CTNNA2: variants seen among roughly 807,000 people sequenced by gnomAD.
CTNNA2 encodes the protein catenin alpha-2.
In CTNNA2, 42 loss-of-function variants were observed where a neutral mutation model predicts 101.0. The ratio of observed to expected loss-of-function variants is 0.42; its 90% CI spans 0.32 to 0.54. The LOEUF (loss-of-function observed/expected upper bound fraction) is 0.54, where lower values mean the gene tolerates loss of function less well. Among genes scored for constraint, CTNNA2 ranks in the 20% least tolerant of loss-of-function variants. The pLI, the probability that CTNNA2 is intolerant of heterozygous loss-of-function variation, is 0.14. For synonymous variants in CTNNA2, 450 were observed against 456.4 expected, an observed-to-expected ratio of 0.99 and a Z score of 0.18; for missense variants, 871 against 1,223.1, an observed-to-expected ratio of 0.71 and a Z score of 4.29.
intron 7 of CTNNA2, among the ~76,000 whole-genome samples, chr2:80,229,546 C>G (rs1193270407): frequency 6.6e-6 from 1 of 151,576 alleles, no homozygotes; most frequent in African/African-American, 2.4e-5. Context: ...AGCTGTCATG[C>G]CCTCTCTAGG....
chr2:80,195,396 G>T (rs575517069), intron 7 of CTNNA2, among the ~76,000 whole-genome samples: 1 of 152,050 alleles, frequency 6.6e-6, no homozygotes, highest in Non-Finnish European at 1.5e-5. Context: ...GTGATATTTT[G>T]GTTTGTGAAT....
At chr2:80,588,276 G>A (rs1696143797) in intron 14 of CTNNA2, among the ~76,000 whole-genome samples, 1 of 152,122 alleles carries the variant, frequency 6.6e-6, no homozygotes, top group Non-Finnish European at 1.5e-5. Flanking sequence ...CATGCTTGGA[G>A]CCATTTTAAA....
chr2:79,331,503 T>C (rs1232818784), intron 3 of CTNNA2, among the ~76,000 whole-genome samples: 2 of 152,230 alleles, frequency 1.3e-5, no homozygotes, highest in Non-Finnish European at 2.9e-5. Flanking sequence ...CTCTCACTTC[T>C]TATGCCTTCC....
At chr2:80,146,710 GTTTTTT>G (rs34019123) in intron 7 of CTNNA2, among the ~76,000 whole-genome samples, 3,211 of 61,614 alleles carry the variant, frequency 0.052, 157 homozygotes, top group African/African-American at 0.16. Flanking sequence ...GTCCCCTCTG[GTTTTTT>G]TTTTTTTTTT....
At chr2:79,614,462 G>C (rs1573480550) in intron 1 of CTNNA2, among the ~76,000 whole-genome samples, 1 of 152,086 alleles carries the variant, frequency 6.6e-6, no homozygotes, top group East Asian at 1.9e-4. Context: ...GGTTTTGTGG[G>C]ACCTGGAAAA....
At chr2:79,535,605 T>C (rs1673008839) in intron 1 of CTNNA2, among the ~76,000 whole-genome samples, 1 of 152,154 alleles carries the variant, frequency 6.6e-6, no homozygotes, top group Non-Finnish European at 1.5e-5. Context: ...AAATCATTTA[T>C]TCTTATATTT....
rs1678048280 is a variant in CTNNA2, at chr2:79,382,279, C to G, written c.-135+8266C>G. Among the ~76,000 whole-genome samples the G allele has an allele frequency of 3.3e-5, 5 of 152,002 alleles. No homozygotes were observed. In the South Asian group the frequency reaches 8.3e-4, roughly 25 times the overall value. ...TTTGAGGCTTGGACTGGAACTACCC[C>G]CACTGGCTTTCCTGAGCTTTTAGCT... On this transcript the variant is annotated intron_variant, in intron 4 of 21. Transcript: ENST00000466387.
intron 2 of CTNNA2, among the ~76,000 whole-genome samples, chr2:79,741,705 C>T (rs1216637508): frequency 1.3e-5 from 2 of 151,696 alleles, no homozygotes; most frequent in East Asian, 3.9e-4. Context: ...TATTTAGCCA[C>T]CTTGCTCTTC....
chr2:79,754,135 G>A (rs541238471), intron 3 of CTNNA2, among the ~76,000 whole-genome samples: 1 of 152,232 alleles, frequency 6.6e-6, no homozygotes, highest in South Asian at 2.1e-4. Context: ...CCAAAGAGCT[G>A]TGATTACAGG....
chr2:80,590,940 C>T (rs1287062199), intron 15 of CTNNA2, among the ~76,000 whole-genome samples: 1 of 152,124 alleles, frequency 6.6e-6, no homozygotes. Flanking sequence ...TTCTCAAGGC[C>T]TGTGATGACT....
intron 7 of CTNNA2, among the ~76,000 whole-genome samples, chr2:80,064,106 A>G (rs970782383): frequency 2.1e-4 from 32 of 152,214 alleles, no homozygotes; most frequent in African/African-American, 7.5e-4. Context: ...ACAAAATTAT[A>G]GTTGTCTTAG....
intron 2 of CTNNA2, among the ~76,000 whole-genome samples, chr2:79,248,682 G>A (rs1306872555): frequency 1.3e-5 from 2 of 152,154 alleles, no homozygotes; most frequent in African/African-American, 4.8e-5. Context: ...GCAGCCCTAT[G>A]TGAGTCAAGG....
intron 7 of CTNNA2, among the ~76,000 whole-genome samples, chr2:80,052,280 G>T (rs1696924884): frequency 6.6e-6 from 1 of 152,158 alleles, no homozygotes; most frequent in Non-Finnish European, 1.5e-5. Flanking sequence ...TTAGCCATGT[G>T]TCCTTCTGTA....
chr2:80,562,106 A>G (rs1199235123), intron 12 of CTNNA2, among the ~76,000 whole-genome samples: 3 of 136,774 alleles, frequency 2.2e-5, no homozygotes, highest in Admixed American at 1.5e-4. Flanking sequence ...CTGTCTATAA[A>G]TCTCTCTCCA....
intron 2 of CTNNA2, among the ~76,000 whole-genome samples, chr2:79,655,073 G>C (rs781534989): frequency 2.0e-5 from 3 of 152,062 alleles, no homozygotes; most frequent in Non-Finnish European, 4.4e-5. Context: ...GTGAGATATT[G>C]GAATAATAAA....
chr2:80,192,837 A>T (rs1001109654), intron 7 of CTNNA2, among the ~76,000 whole-genome samples: 6 of 152,182 alleles, frequency 3.9e-5, no homozygotes, highest in Admixed American at 3.9e-4. Context: ...TTTTCAAAGA[A>T]TCCAACTCTT....
intron 7 of CTNNA2, among the ~76,000 whole-genome samples, chr2:80,311,099 T>G (rs1677534178): frequency 6.6e-6 from 1 of 152,140 alleles, no homozygotes; most frequent in Non-Finnish European, 1.5e-5. Context: ...TCTTTCAGAA[T>G]TTGTCTGCTC....
At chr2:80,339,179 G>A (rs1672011144) in intron 7 of CTNNA2, among the ~76,000 whole-genome samples, 1 of 152,098 alleles carries the variant, frequency 6.6e-6, no homozygotes, top group African/African-American at 2.4e-5. Flanking sequence ...TATAACGTGT[G>A]TGTGTGTGCA....
intron 3 of CTNNA2, among the ~76,000 whole-genome samples, chr2:79,346,743 A>T (rs1261813196): frequency 6.6e-6 from 1 of 152,250 alleles, no homozygotes; most frequent in East Asian, 1.9e-4. Flanking sequence ...TACAAATTAT[A>T]TACAAGTATG....
Sources: allele counts gnomAD v4.1 joint callset (sites outside exome capture counted in the v4.1 genomes callset), GRCh38; gene constraint gnomAD v4.1.1; transcripts MANE v1.5; gene names NCBI Gene and HGNC (gene_info 2026-07-23, HGNC 2026-07-21).